The following PLXNA2 variants were observed in gnomAD, a reference collection of about 807,000 sequenced individuals.
The protein encoded by PLXNA2 is plexin-A2.
In PLXNA2, 91 loss-of-function variants were observed where a neutral mutation model predicts 193.5. The observed-to-expected ratio is 0.47, with a 90% CI of 0.40 to 0.56. The LOEUF is 0.56. Ranked by LOEUF, PLXNA2 falls within the 20% of genes least tolerant of loss-of-function variation. The probability of loss-of-function intolerance (pLI) is 0.00; values close to 1 mark genes in which losing one functional copy is unlikely to be tolerated. For missense variants in PLXNA2, 1,995 were observed against 2,503.2 expected (o/e 0.80, Z 4.33); for synonymous variants, 997 against 1,027.3 (o/e 0.97, Z 0.56).
chr1:208,128,719 T>G (rs1366061036), intron 4 of PLXNA2, among the ~76,000 whole-genome samples: 7 of 68,522 alleles, frequency 1.0e-4, no homozygotes, highest in East Asian at 3.3e-4. Flanking sequence ...TTTTTTTTTT[T>G]GGGATGGAGT....
At chr1:208,189,870 C>G (rs905249952) in intron 3 of PLXNA2, among the ~76,000 whole-genome samples, 2 of 152,156 alleles carry the variant, frequency 1.3e-5, no homozygotes, top group African/African-American at 4.8e-5. Context: ...GGCACTAAAT[C>G]AGCACGAGGA....
Position 208,038,737 on chromosome 1 carries a change from C to A in PLXNA2, c.4660+88G>T. 1.4e-6 allele frequency: 2 copies of A among 1,385,758 alleles called. No individual in the cohort carries two copies. The highest frequency in any genetic ancestry group is 2.6e-5 in the South Asian group (2 of 77,894). 85.8% of individuals were successfully genotyped at this position (1,385,758 alleles called of 1,614,324 possible). On this transcript the variant is annotated intron_variant, in intron 25 of 31. Transcript: ENST00000367033. This position sits in a 1 kb window ranked among gnomAD's most constrained non-coding sequence, Gnocchi z 4.1. ...GGGCCTCAGCTGGCCAGGACACAGTCATGCCCCTGCAAGGGTTGTGTGCAT... is the reference window on the plus strand; with the variant it reads ...GGGCCTCAGCTGGCCAGGACACAGTAATGCCCCTGCAAGGGTTGTGTGCAT...
intron 4 of PLXNA2, among the ~76,000 whole-genome samples, chr1:208,107,614 A>AG (rs763601099): frequency 6.6e-6 from 1 of 152,212 alleles, no homozygotes; most frequent in African/African-American, 2.4e-5. Flanking sequence ...CAAGAAGGAA[A>AG]GGGAGCTTTC....
chr1:208,101,266 G>T (rs183086516), intron 5 of PLXNA2, among the ~76,000 whole-genome samples: 1 of 152,234 alleles, frequency 6.6e-6, no homozygotes, highest in Non-Finnish European at 1.5e-5. Context: ...CCCCTCAGAG[G>T]CTCCTCAGCC....
intron 1 of PLXNA2, among the ~76,000 whole-genome samples, chr1:208,225,089 T>C (rs1671468820): frequency 6.6e-6 from 1 of 152,120 alleles, no homozygotes; most frequent in African/African-American, 2.4e-5. Flanking sequence ...CCTTAGATCT[T>C]ACATATGTGC....
chr1:208,133,628 T>C (rs1367923398), intron 4 of PLXNA2, among the ~76,000 whole-genome samples: 1 of 152,266 alleles, frequency 6.6e-6, no homozygotes, highest in Non-Finnish European at 1.5e-5. Context: ...TGCAAATCTT[T>C]CCCTATTTTA....
chr1:208,103,821 C>A (rs1435992612), intron 4 of PLXNA2, among the ~76,000 whole-genome samples: 1 of 152,208 alleles, frequency 6.6e-6, no homozygotes, highest in Non-Finnish European at 1.5e-5. Flanking sequence ...AAAAGTCTGG[C>A]TAAATGGGAA....
intron 6 of PLXNA2, among the ~76,000 whole-genome samples, 177 bp from the exon 7 acceptor site, chr1:208,097,060 T>C (rs1037548714): frequency 1.3e-5 from 2 of 152,258 alleles, no homozygotes; most frequent in African/African-American, 4.8e-5. Flanking sequence ...TCATTAATTA[T>C]TCAATGTGTG....
At chr1:208,237,970 T>A (rs1451832579) in intron 1 of PLXNA2, among the ~76,000 whole-genome samples, 1 of 152,214 alleles carries the variant, frequency 6.6e-6, no homozygotes, top group East Asian at 1.9e-4. Context: ...TGAATTCCAA[T>A]TCCCGCTTTC....
chr1:208,110,730 G>A (rs2102430903), intron 4 of PLXNA2, among the ~76,000 whole-genome samples: 1 of 152,282 alleles, frequency 6.6e-6, no homozygotes, highest in Middle Eastern at 3.4e-3. Context: ...GTCTAAGTTT[G>A]TTTAATTCCC....
chr1:208,078,470 T>C (rs1323428744), intron 12 of PLXNA2, among the ~76,000 whole-genome samples: 1 of 152,170 alleles, frequency 6.6e-6, no homozygotes, highest in Non-Finnish European at 1.5e-5. Flanking sequence ...GAGCAGCCTC[T>C]TCCTCCTTTC....
intron 29 of PLXNA2, chr1:208,030,527 T>G: frequency 2.0e-6 from 2 of 985,448 alleles, no homozygotes; most frequent in Non-Finnish European, 2.4e-6. Context: ...CACCCCAGCC[T>G]GTTCGTTTCA....
At chr1:208,099,006 T>G in intron 5 of PLXNA2, 37 bp from the exon 6 acceptor site, 1 of 1,608,646 alleles carries the variant, frequency 6.2e-7, no homozygotes, top group Non-Finnish European at 8.5e-7. Context: ...GTCAGGCCTC[T>G]GGGACCCATC....
intron 4 of PLXNA2, among the ~76,000 whole-genome samples, chr1:208,126,703 C>T (rs1667984034): frequency 6.6e-6 from 1 of 152,130 alleles, no homozygotes; most frequent in Non-Finnish European, 1.5e-5. Context: ...CAGAGCCTAT[C>T]CTCCCCACCA....
intron 3 of PLXNA2, among the ~76,000 whole-genome samples, chr1:208,159,971 G>T (rs1393571734): frequency 6.6e-6 from 1 of 152,174 alleles, no homozygotes; most frequent in Non-Finnish European, 1.5e-5. Context: ...CTCAGGACAT[G>T]GGGGAGGGAG....
intron 12 of PLXNA2, among the ~76,000 whole-genome samples, chr1:208,065,675 C>A (rs939538540): frequency 2.0e-5 from 3 of 152,118 alleles, no homozygotes; most frequent in African/African-American, 7.2e-5. Context: ...TGGGGTGACC[C>A]GGGGTACAAA....
At position 208,119,107 on chromosome 1, in the gene PLXNA2, G is replaced by A. The variant is rs75813698; in HGVS notation, c.1507-15860C>T. 1.6e-3 allele frequency among the ~76,000 whole-genome samples: 238 copies of A among 152,246 alleles called. 5 individuals carry two copies. The East Asian group carries it at 0.042, about 27-fold the overall frequency. Reference sequence around the variant, plus strand: ...ATCATTCCAGGGCATGTGGGGATGGGGCATCAATACTGCTATTTAGTGACT... The same window carrying A: ...ATCATTCCAGGGCATGTGGGGATGGAGCATCAATACTGCTATTTAGTGACT... On this transcript the variant is annotated intron_variant, in intron 4 of 31. Transcript: ENST00000367033.
At chr1:208,092,662 T>C in intron 9 of PLXNA2, 124 bp downstream of exon 9, 1 of 598,482 alleles carries the variant, frequency 1.7e-6, no homozygotes, top group Non-Finnish European at 2.9e-6. Context: ...GCAGAATTTC[T>C]GGCAAGACGG....
intron 5 of PLXNA2, 139 bp downstream of exon 5, chr1:208,103,008 C>A: frequency 1.4e-6 from 1 of 695,278 alleles, no homozygotes; most frequent in Non-Finnish European, 2.6e-6. Context: ...TTCCTGCTCT[C>A]AACACTGAAG....
Sources: allele counts gnomAD v4.1 joint callset (sites outside exome capture counted in the v4.1 genomes callset), GRCh38; gene constraint gnomAD v4.1.1; non-coding constraint Gnocchi (gnomAD v3.1); transcripts MANE v1.5; gene names NCBI Gene and HGNC (gene_info 2026-07-23, HGNC 2026-07-21).